ZNF469: variants seen among roughly 807,000 people sequenced by gnomAD.
ZNF469 encodes the protein zinc finger protein 469.
In ZNF469, 1 loss-of-function variant was observed where a neutral mutation model predicts 1.0. That is an observed-to-expected ratio of 1.00 (90% CI 0.35 to 4.73). ZNF469 has a LOEUF of 4.73. ZNF469 is among the 30% of genes most tolerant of loss of function. The pLI is 0.16. For missense variants in ZNF469, 6,100 were observed against 5,356.3 expected, an observed-to-expected ratio of 1.14 and a Z score of -4.33; for synonymous variants, 2,703 against 2,363.4, an observed-to-expected ratio of 1.14 and a Z score of -4.17.
At chr16:88,130,054 T>C in the ZNF469 span, among the ~76,000 whole-genome samples, 3 of 152,192 alleles carry the variant, frequency 2.0e-5, no homozygotes, top group Non-Finnish European at 4.4e-5. Flanking sequence ...AAACCATTTC[T>C]AGATCTGCTT....
In ZNF469 at chr16:88,429,914, G is replaced by A; in HGVS notation, c.2444G>A (p.Gly815Asp). Residue 815 changes from glycine to aspartate, a missense_variant, in exon 3 of 3, where the codon GGC (glycine) becomes GAC (aspartate). Gly to Asp is a moderately conservative substitution (Grantham distance 94, BLOSUM62 -1). Coordinates refer to ENST00000565624, the MANE Select transcript of ZNF469 (RefSeq NM_001367624.2). Reference protein sequence around the residue: ...AEGKDDPLRTGFLPSLAATPF... With the variant: ...AEGKDDPLRTDFLPSLAATPF... ...GGCAAAGACGACCCCCTGAGGACAGGCTTCCTGCCCAGCCTGGCCGCCACC... is the reference window on the plus strand; with the variant it reads ...GGCAAAGACGACCCCCTGAGGACAGACTTCCTGCCCAGCCTGGCCGCCACC... 1.3e-6 allele frequency: 2 copies of A among 1,550,232 alleles called. No homozygotes were observed. Among genetic ancestry groups the A allele is most frequent in the South Asian group, 1.2e-5 (1 of 84,060 alleles).
chr16:88,419,502 G>A lies in ZNF469; in HGVS notation c.-191-5305G>A, dbSNP rs546501865. Among the ~76,000 whole-genome samples the A allele has an allele frequency of 1.7e-3, 253 of 152,250 alleles. 3 individuals carry two copies. Among genetic ancestry groups the A allele is most frequent in the African/African-American group, 5.7e-3 (235 of 41,548 alleles). ...GAAGCCCAGCTGCTCTTCCCAGCCC[G>A]GTCCCACCCCATGGCACATATTTCT... On this transcript the variant is annotated intron_variant, in intron 1 of 2. Coordinates refer to ENST00000565624, the MANE Select transcript of ZNF469 (RefSeq NM_001367624.2).
chr16:88,242,638 G>A, the ZNF469 span, among the ~76,000 whole-genome samples: 1 of 152,258 alleles, frequency 6.6e-6, no homozygotes, highest in Non-Finnish European at 1.5e-5. Flanking sequence ...CAGAGCAGAT[G>A]GGAGGAAGCT....
chr16:88,130,763 C>T, the ZNF469 span, among the ~76,000 whole-genome samples: 1,411 of 151,780 alleles, frequency 9.3e-3, 15 homozygotes, highest in African/African-American at 0.032. Context: ...CAGCCTCCCA[C>T]GCACTCAGTG....
chr16:88,405,002 C>G (rs1904987541), intron 1 of ZNF469, among the ~76,000 whole-genome samples: 1 of 152,176 alleles, frequency 6.6e-6, no homozygotes, highest in Non-Finnish European at 1.5e-5. Flanking sequence ...ATTCAAACAT[C>G]AGCATGAGGA....
chr16:88,349,234 G>C, the ZNF469 span, among the ~76,000 whole-genome samples: 3 of 152,262 alleles, frequency 2.0e-5, no homozygotes, highest in South Asian at 6.2e-4. Context: ...AGAGACAGAC[G>C]GAGGCTTCAC....
At chr16:88,282,936 GC>G in the ZNF469 span, among the ~76,000 whole-genome samples, 1 of 152,176 alleles carries the variant, frequency 6.6e-6, no homozygotes, top group Non-Finnish European at 1.5e-5. Flanking sequence ...TCCCAGAGCA[GC>G]CCCAGGAATC....
chr16:88,434,876 AT>A lies in ZNF469; in HGVS notation c.7407del (p.His2469GlnfsTer4). The A allele has an allele frequency of 6.5e-7, 1 of 1,550,340 alleles. No individual in the cohort carries two copies. The highest frequency in any genetic ancestry group is 8.7e-7 in the Non-Finnish European group (1 of 1,146,982). On this transcript the variant is annotated frameshift_variant, in exon 3 of 3. Transcript: ENST00000565624. LOFTEE classifies it low-confidence loss of function (END_TRUNC). ...ENGQWKGQAP[H>X]GPVTCEVCAA... ...GGCCAGTGGAAGGGCCAAGCTCCAC[AT>A]GGGCCTGTGACCTGTGAGGTCTGCG...
chr16:88,436,810 T>A lies in ZNF469; in HGVS notation c.9340T>A (p.Ser3114Thr). 1 of 1,540,526 alleles carries A rather than the reference T, an allele frequency of 6.5e-7. No individual in the cohort carries two copies. The highest frequency in any genetic ancestry group is 8.7e-7 in the Non-Finnish European group (1 of 1,146,054). Reference sequence around the variant, plus strand: ...CCGGCCGGCCAAGGGCAGGCGGGCCTCCTACAAGTGCAAAGTGTGCTTCCA... The same window carrying A: ...CCGGCCGGCCAAGGGCAGGCGGGCCACCTACAAGTGCAAAGTGTGCTTCCA... The part of the protein sequence containing the change: ...RGRPAKGRRA[S>T]YKCKVCFQRF... Residue 3114 changes from serine to threonine, a missense_variant, in exon 3 of 3, where the codon TCC (serine) becomes ACC (threonine). Ser to Thr is a moderately conservative substitution (Grantham distance 58). Transcript: ENST00000565624.
the ZNF469 span, among the ~76,000 whole-genome samples, chr16:88,133,594 A>G: frequency 6.6e-6 from 1 of 152,060 alleles, no homozygotes; most frequent in Non-Finnish European, 1.5e-5. Flanking sequence ...CAAGCAATAA[A>G]TCAAATCATT....
the ZNF469 span, among the ~76,000 whole-genome samples, chr16:88,369,416 G>A: frequency 6.6e-6 from 1 of 152,242 alleles, no homozygotes; most frequent in African/African-American, 2.4e-5. Context: ...CAGCCCAGTA[G>A]GCTGGGGTCT....
At chr16:88,181,535 GA>G in the ZNF469 span, among the ~76,000 whole-genome samples, 5 of 152,128 alleles carry the variant, frequency 3.3e-5, no homozygotes, top group East Asian at 9.6e-4. Flanking sequence ...CAAATATTTG[GA>G]AGTTAAAGAA....
At chr16:88,233,129 G>A in the ZNF469 span, among the ~76,000 whole-genome samples, 4 of 152,244 alleles carry the variant, frequency 2.6e-5, no homozygotes, top group African/African-American at 9.6e-5. Flanking sequence ...TCCTGTGTGG[G>A]GAACTGAGGC....
the ZNF469 span, among the ~76,000 whole-genome samples, chr16:88,112,871 G>A: frequency 5.0e-5 from 7 of 140,640 alleles, no homozygotes; most frequent in African/African-American, 1.3e-4. Context: ...TCTGCCTCCC[G>A]GGTTTGCGCT....
the ZNF469 span, among the ~76,000 whole-genome samples, chr16:88,359,879 T>C: frequency 1.2e-4 from 19 of 152,364 alleles, no homozygotes; most frequent in African/African-American, 3.8e-4. Context: ...TCTCTGTCCA[T>C]CTTTCTATCT....
At chr16:88,323,987 A>G in the ZNF469 span, among the ~76,000 whole-genome samples, 1 of 152,184 alleles carries the variant, frequency 6.6e-6, no homozygotes, top group Non-Finnish European at 1.5e-5. Context: ...AGAGTTACTT[A>G]TTTTGCTCAC....
At position 88,436,948 on chromosome 16, in the gene ZNF469, C is replaced by CGGGGGCACCTGCAGG; in HGVS notation, c.9479_9493dup (p.Gln3164_Glu3165insGlyGlyHisLeuGln). 1 of 1,494,108 alleles carries CGGGGGCACCTGCAGG rather than the reference C, an allele frequency of 6.7e-7. No homozygotes were observed. The allele number at this position is 1,494,108 out of a possible 1,614,324, so 92.6% of individuals were successfully genotyped here. Reference sequence around the variant, plus strand: ...CAGGTTTGGCTCGCGGGAGCTGCTGCGGGGGCACCTGCAGGAGAGGCACGC... The same window carrying CGGGGGCACCTGCAGG: ...CAGGTTTGGCTCGCGGGAGCTGCTGCGGGGGCACCTGCAGGGGGGGCACCTGCAGGAGAGGCACGC... On this transcript the variant is annotated inframe_insertion, in exon 3 of 3. Transcript: ENST00000565624.
rs151291179 is a variant in ZNF469 at position 88,418,742 on chromosome 16, G to A, written c.-191-6065G>A. On this transcript the variant is annotated intron_variant, in intron 1 of 2. Transcript: ENST00000565624. ...ATAAATGCAGCTGATAATTTGCGCC[G>A]TATTCTTAAACTTACCCTCCGGGCC... Among the ~76,000 whole-genome samples, 482 of 152,220 alleles carry A rather than the reference G, an allele frequency of 3.2e-3. 5 individuals are homozygous for A. The highest frequency in any genetic ancestry group is 0.011 in the African/African-American group (459 of 41,504).
the ZNF469 span, among the ~76,000 whole-genome samples, chr16:88,239,699 ATATATATATATATATATTT>A: frequency 1.6e-4 from 2 of 12,232 alleles, no homozygotes; most frequent in Non-Finnish European, 2.7e-4. Flanking sequence ...ATATATATAT[ATATATATATATATATATTT>A]TTTTTTTTTT....
Sources: gnomAD v4.1 joint callset for allele counts (sites outside exome capture counted in the v4.1 genomes callset) on GRCh38, gnomAD v4.1.1 for gene constraint, MANE v1.5 for transcripts, NCBI Gene and HGNC (gene_info 2026-07-23, HGNC 2026-07-21) for gene names.